The following DQX1 variants were observed in gnomAD, a reference collection of about 807,000 sequenced individuals.
DQX1 encodes the protein DEAQ-box RNA dependent ATPase 1, also known as ATP-dependent RNA helicase homolog DQX1.
DQX1 carries 66 observed loss-of-function variants against 81.3 expected under a neutral mutation model. The observed-to-expected ratio is 0.81, with a 90% CI of 0.67 to 1.00. The LOEUF (loss-of-function observed/expected upper bound fraction) is 1.00. DQX1 is among the 50% of genes least tolerant of loss of function. The pLI, the probability that DQX1 is intolerant of heterozygous loss-of-function variation, is 0.00. For synonymous variants in DQX1, 290 were observed against 350.0 expected (o/e 0.83, Z 1.91); for missense variants, 798 against 867.9 (o/e 0.92, Z 1.01).
At position 74,523,010 on chromosome 2, in the gene DQX1, G is replaced by A; in HGVS notation, c.1149C>T (p.Ser383=). ...RLRARGFPPG[S]CLCLYPKSFL... is the part of the protein sequence containing the mutation. ...AGGACTTAGGATACAGGCAGAGGCA[G>A]GATCCTGAGGGGAAAAAGACCTGGG... Residue 383 remains serine (S), a synonymous_variant, in exon 7 of 12, where the codon TCC becomes TCT. Coordinates refer to ENST00000404568, the MANE Select transcript of DQX1 (RefSeq NM_133637.3). 2.5e-6 allele frequency: 4 copies of A among 1,614,078 alleles called. No homozygotes were observed. Among genetic ancestry groups the A allele is most frequent in the Non-Finnish European group, 3.4e-6 (4 of 1,179,928 alleles).
rs1247859025 is a variant in DQX1, at chr2:74,525,459, C to T, written c.237+34G>A. 1.3e-6 allele frequency: 2 copies of T among 1,546,064 alleles called. No homozygotes were observed. The highest frequency in any genetic ancestry group is 2.4e-5 in the East Asian group (1 of 40,870). On this transcript the variant is annotated intron_variant, in intron 2 of 11. Coordinates refer to ENST00000404568, the MANE Select transcript of DQX1 (RefSeq NM_133637.3). The surrounding 1 kb of genome is among the most constrained non-coding windows in gnomAD (Gnocchi z 4.1). ...CCTTTGTCCTCCCTTTGTCCACTCC[C>T]AGAATCTGCCTGCCCCCACAACCCC...
chr2:74,525,913 A>C lies in DQX1; in HGVS notation c.-19-165T>G, dbSNP rs1054836319. Among the ~76,000 whole-genome samples, 5 of 152,226 alleles carry C rather than the reference A, an allele frequency of 3.3e-5. No individual in the cohort carries two copies. The highest frequency in any genetic ancestry group is 1.2e-4 in the African/African-American group (5 of 41,438). On this transcript the variant is annotated intron_variant, in intron 1 of 11. Coordinates refer to ENST00000404568, the MANE Select transcript of DQX1 (RefSeq NM_133637.3). The surrounding 1 kb of genome is among the most constrained non-coding windows in gnomAD (Gnocchi z 4.1). Reference sequence around the variant, plus strand: ...GTGCTAGGTATTTTGATAAAGGGCTACTGAGAGTTAGTCGACAGTCCCTAT... The same window carrying C: ...GTGCTAGGTATTTTGATAAAGGGCTCCTGAGAGTTAGTCGACAGTCCCTAT...
chr2:74,522,528 G>C, intron 8 of DQX1, 52 bp downstream of exon 8: 1 of 1,564,504 alleles, frequency 6.4e-7, no homozygotes. Context: ...AAACCCAAGA[G>C]GAAGGGCTGA....
At position 74,525,531 on chromosome 2, in the gene DQX1, G is replaced by A; in HGVS notation, c.199C>T (p.Leu67=). The A allele has an allele frequency of 6.4e-7, 1 of 1,552,266 alleles. No homozygotes were observed. The highest frequency in any genetic ancestry group is 8.7e-7 in the Non-Finnish European group (1 of 1,147,132). Residue 67 remains leucine (L), a synonymous_variant, in exon 2 of 12, where the codon CTG becomes TTG. Coordinates refer to ENST00000404568, the MANE Select transcript of DQX1 (RefSeq NM_133637.3). This position sits in a 1 kb window ranked among gnomAD's most constrained non-coding sequence, Gnocchi z 4.1. ...CCAGAACCAGGCTCCCCAGACACCAGCACCACTCCAGTGGGGTTACTCTCC... is the reference window on the plus strand; with the variant it reads ...CCAGAACCAGGCTCCCCAGACACCAACACCACTCCAGTGGGGTTACTCTCC... ...QLESNPTGVV[L]VSGEPGSGKS...
intron 8 of DQX1, among the ~76,000 whole-genome samples, chr2:74,520,978 A>G (rs1675007368): frequency 6.6e-6 from 1 of 152,152 alleles, no homozygotes; most frequent in Non-Finnish European, 1.5e-5. Flanking sequence ...TGGCTGAAGA[A>G]GAGTTTTTAA....
rs565124575 is a variant in DQX1 at position 74,518,561 on chromosome 2, G to A, written c.2039C>T (p.Pro680Leu). 5.0e-6 allele frequency: 8 copies of A among 1,614,162 alleles called. No individual in the cohort carries two copies. In the African/African-American group the frequency reaches 1.1e-4, roughly 22 times the overall value. Reference sequence around the variant, plus strand: ...CAGAAGGTCTCTGCTCTCACTGGGAGGCAAGTTACTCAGGAAGTATGGAGG... The same window carrying A: ...CAGAAGGTCTCTGCTCTCACTGGGAAGCAAGTTACTCAGGAAGTATGGAGG... ...LAPPYFLSNL[P>L]PSESRDLLNQ... is the part of the protein sequence containing the mutation. Residue 680 changes from proline to leucine, a missense_variant, in exon 12 of 12, where the codon CCT (proline) becomes CTT (leucine). Transcript: ENST00000404568.
chr2:74,519,761 G>T lies in DQX1; in HGVS notation c.1616-15C>A. 1.9e-6 allele frequency: 3 copies of T among 1,613,566 alleles called. No individual in the cohort carries two copies. Among genetic ancestry groups the T allele is most frequent in the Non-Finnish European group, 2.5e-6 (3 of 1,179,652 alleles). The stretch of plus-strand genomic sequence containing the variant: ...ATCTGCTCCACCTAGGAGAGGAAAG[G>T]GACCAGCTAAACTAAAGTCCTTGAG... On this transcript the variant is annotated splice_polypyrimidine_tract_variant and intron_variant, in intron 9 of 11. Coordinates refer to ENST00000404568, the MANE Select transcript of DQX1 (RefSeq NM_133637.3).
rs1429603532 is a variant in DQX1, at chr2:74,524,322, A to G, written c.432-15T>C. The G allele has an allele frequency of 6.2e-7, 1 of 1,603,364 alleles. No homozygotes were observed. Among genetic ancestry groups the G allele is most frequent in the African/African-American group, 1.3e-5 (1 of 74,932 alleles). The stretch of plus-strand genomic sequence containing the variant: ...CCCAGCAGAACCTGTTGACATTGGT[A>G]GTGGGCAGAGGAATCAGTGTGGACA... On this transcript the variant is annotated splice_polypyrimidine_tract_variant and intron_variant, in intron 3 of 11. Transcript: ENST00000404568.
rs1340143931 is a variant in DQX1 at position 74,522,597 on chromosome 2, A to C, written c.1478T>G (p.Leu493Arg). The change falls in exon 8 of 12, where the codon CTG becomes CGG. Residue 493 changes from leucine to arginine, a missense_variant. By Grantham distance (102) the Leu-to-Arg change is moderately radical. Coordinates refer to ENST00000404568, the MANE Select transcript of DQX1 (RefSeq NM_133637.3). Reference protein sequence around the residue: ...EFDCVDEMLTLAAMLTAAPGF... With the variant: ...EFDCVDEMLTRAAMLTAAPGF... Reference sequence around the variant, plus strand: ...ATTTATACCTGTGAGCATGGCAGCCAGGGTGAGCATCTCGTCCACACAGTC... The same window carrying C: ...ATTTATACCTGTGAGCATGGCAGCCCGGGTGAGCATCTCGTCCACACAGTC... 1.2e-6 allele frequency: 2 copies of C among 1,613,778 alleles called. No individual in the cohort carries two copies. Among genetic ancestry groups the C allele is most frequent in the Non-Finnish European group, 1.7e-6 (2 of 1,179,840 alleles).
chr2:74,519,360 T>A lies in DQX1; in HGVS notation c.1807-130A>T. On this transcript the variant is annotated intron_variant, in intron 10 of 11. Coordinates refer to ENST00000404568, the MANE Select transcript of DQX1 (RefSeq NM_133637.3). ...AAAAGTAAAGCATTACCTCTAGGTG[T>A]TGTCTGGTCTCTACTATACCTCATG... The A allele has an allele frequency of 2.4e-6, 3 of 1,247,924 alleles. No individual in the cohort carries two copies. In the South Asian group the frequency reaches 4.6e-5, roughly 19 times the overall value. 77.3% of individuals were successfully genotyped at this position (1,247,924 alleles called of 1,614,324 possible). A position where few individuals can be genotyped will look rare whatever the true frequency, so the allele number is the denominator to read the frequency against.
chr2:74,518,318 T>C lies in DQX1; in HGVS notation c.*128A>G. On this transcript the variant is annotated 3_prime_UTR_variant, in exon 12 of 12. Transcript: ENST00000404568. ...TTCCCAGTCTACCATTTCTTGGGACTCAGGTTCCAGGGTTTACATTTGACC... is the reference window on the plus strand; with the variant it reads ...TTCCCAGTCTACCATTTCTTGGGACCCAGGTTCCAGGGTTTACATTTGACC... 1 of 1,127,708 alleles carries C rather than the reference T, an allele frequency of 8.9e-7. No homozygotes were observed. 69.9% of individuals were successfully genotyped at this position (1,127,708 alleles called of 1,614,324 possible). A position where few individuals can be genotyped will look rare whatever the true frequency, so the allele number is the denominator to read the frequency against.
At chr2:74,522,456 T>C in intron 8 of DQX1, 124 bp downstream of exon 8, 2 of 1,189,118 alleles carry the variant, frequency 1.7e-6, no homozygotes, top group Non-Finnish European at 1.2e-6. Flanking sequence ...AGCCTGGTTC[T>C]TTAGGCATTG....
intron 11 of DQX1, 135 bp from the exon 12 acceptor site, chr2:74,518,737 C>T: frequency 1.1e-6 from 1 of 869,830 alleles, no homozygotes; most frequent in Non-Finnish European, 1.8e-6. Context: ...GCCTTAGACT[C>T]CCGTAATCCT....
chr2:74,520,061 A>G, intron 8 of DQX1, 27 bp from the exon 9 acceptor site: 3 of 1,602,076 alleles, frequency 1.9e-6, no homozygotes, highest in Non-Finnish European at 2.6e-6. Flanking sequence ...GGAAGGTAGA[A>G]TCTGCCATTT....
chr2:74,519,326 G>A lies in DQX1; in HGVS notation c.1807-96C>T, dbSNP rs190908534. 3,329 of 1,397,342 alleles carry A rather than the reference G, an allele frequency of 2.4e-3. 168 individuals carry two copies. In the Admixed American group the frequency reaches 0.074, roughly 31 times the overall value. The allele number at this position is 1,397,342 out of a possible 1,614,324, so 86.6% of individuals were successfully genotyped here. A position where few individuals can be genotyped will look rare whatever the true frequency, so the allele number is the denominator to read the frequency against. On this transcript the variant is annotated intron_variant, in intron 10 of 11. Transcript: ENST00000404568. ...GGGATTGAGAAAGAGTAAGGGTGAT[G>A]AGAGCATGAAAAGTAAAGCATTACC...
chr2:74,524,996 C>T lies in DQX1; in HGVS notation c.431+13G>A. ...GGGAATTATATTCGGGTAAGGCCTG[C>T]AGAGGCCCCCACCTGAGCAGGGTGT... On this transcript the variant is annotated intron_variant, in intron 3 of 11. Coordinates refer to ENST00000404568, the MANE Select transcript of DQX1 (RefSeq NM_133637.3). The T allele has an allele frequency of 1.9e-6, 3 of 1,607,706 alleles. No individual in the cohort carries two copies. Among genetic ancestry groups the T allele is most frequent in the African/African-American group, 1.3e-5 (1 of 74,838 alleles).
Position 74,524,222 on chromosome 2 carries a change from G to A in DQX1, c.517C>T (p.Gln173Ter). Reference protein sequence around the residue: ...AWGVLVLDEAQERSVASDSLQ... With the variant: ...AWGVLVLDEA ...GAATCTGATGCCACCGACCGCTCCT[G>A]AGCCTCATCTAGTACCAGCACGCCC... is the stretch of plus-strand genomic sequence containing the variant. Residue 173 changes from glutamine (Q) to a stop codon, truncating the protein, a stop_gained, in exon 4 of 12, where the codon CAG becomes TAG. Transcript: ENST00000404568. LOFTEE classifies it high-confidence loss of function. The A allele has an allele frequency of 6.2e-7, 1 of 1,614,132 alleles. No individual in the cohort carries two copies. Among genetic ancestry groups the A allele is most frequent in the South Asian group, 1.1e-5 (1 of 91,082 alleles).
chr2:74,522,946 C>A lies in DQX1; in HGVS notation c.1213G>T (p.Val405Leu). The change falls in exon 7 of 12, where the codon GTG (valine) becomes TTG (leucine). Residue 405 changes from valine to leucine, a missense_variant. Val to Leu is a conservative substitution (Grantham distance 32). Transcript: ENST00000404568. Reference sequence around the variant, plus strand: ...AGGGAGCTCAGATTCTCCTCACACACCCTGGGTTGTGGCAATGGTGGAGCT... The same window carrying A: ...AGGGAGCTCAGATTCTCCTCACACAACCTGGGTTGTGGCAATGGTGGAGCT... ...LEAPPLPQPRVCEENLSSLVL... is the reference protein window; with the variant it reads ...LEAPPLPQPRLCEENLSSLVL... 1 of 1,614,180 alleles carries A rather than the reference C, an allele frequency of 6.2e-7. No individual in the cohort carries two copies. The highest frequency in any genetic ancestry group is 1.1e-5 in the South Asian group (1 of 91,078).
chr2:74,519,469 G>T (rs538310553), intron 10 of DQX1, 87 bp downstream of exon 10: 1 of 1,522,636 alleles, frequency 6.6e-7, no homozygotes, highest in Non-Finnish European at 8.9e-7. Context: ...TGGCCACCTG[G>T]ACCCTGATTT....
Sources: gnomAD v4.1 joint callset for allele counts (sites outside exome capture counted in the v4.1 genomes callset) on GRCh38, gnomAD v4.1.1 for gene constraint, Gnocchi (gnomAD v3.1) non-coding constraint, MANE v1.5 for transcripts, NCBI Gene and HGNC (gene_info 2026-07-23, HGNC 2026-07-21) for gene names.